MRPL20: variants seen among roughly 807,000 people sequenced by gnomAD.
MRPL20 encodes large ribosomal subunit protein bL20m.
Under a neutral mutation model 20.0 loss-of-function variants are expected in MRPL20, and 21 were observed. That is an observed-to-expected ratio of 1.05 (90% CI 0.74 to 1.51). MRPL20 has a LOEUF of 1.51. MRPL20 is among the 40% of genes most tolerant of loss of function. MRPL20 has a pLI of 0.00. For missense variants in MRPL20, 252 were observed against 185.6 expected, an observed-to-expected ratio of 1.36 and a Z score of -2.08; for synonymous variants, 104 against 73.0, an observed-to-expected ratio of 1.43 and a Z score of -2.17.
At chr1:1,403,982 G>A (rs141764574) in intron 3 of MRPL20, among the ~76,000 whole-genome samples, 10 of 144,762 alleles carry the variant, frequency 6.9e-5, no homozygotes, top group East Asian at 2.1e-4. Flanking sequence ...GCATACAGGC[G>A]CATGCCAGCA....
intron 3 of MRPL20, among the ~76,000 whole-genome samples, chr1:1,402,923 TC>T (rs1645346902): frequency 6.6e-6 from 1 of 151,778 alleles, no homozygotes; most frequent in South Asian, 2.1e-4. Flanking sequence ...GGTCAGGAGA[TC>T]AAGACCATCC....
rs778733971 is a variant in MRPL20 at position 1,407,239 on chromosome 1, C to G, written c.-22G>C. 2.4e-5 allele frequency: 37 copies of G among 1,573,922 alleles called. No homozygotes were observed. Among genetic ancestry groups the G allele is most frequent in the African/African-American group, 5.4e-5 (4 of 74,128 alleles). ...CCATGGCGCCTGCAGGCCGGCGTCC[C>G]GAACACTCAACAACGCACGCGCAGC... On this transcript the variant is annotated 5_prime_UTR_variant, in exon 1 of 4. Transcript: ENST00000344843.
At chr1:1,402,531 G>A (rs1396426357) in intron 3 of MRPL20, 1 of 1,191,298 alleles carries the variant, frequency 8.4e-7, no homozygotes, top group Admixed American at 4.2e-5. Flanking sequence ...CCTTGTTCAG[G>A]GTCCTTGGTC....
intron 2 of MRPL20, chr1:1,406,538 G>A (rs934979664): frequency 7.0e-6 from 2 of 286,384 alleles, no homozygotes; most frequent in African/African-American, 4.4e-5. Context: ...CACGGCAGCA[G>A]ATAGTAGCCC....
chr1:1,405,629 T>C, intron 3 of MRPL20, 180 bp downstream of exon 3: 1 of 1,109,138 alleles, frequency 9.0e-7, no homozygotes, highest in Non-Finnish European at 1.3e-6. Flanking sequence ...ACCATATTGA[T>C]ACCACACTTA....
intron 2 of MRPL20, chr1:1,406,680 C>T: frequency 1.8e-6 from 1 of 566,646 alleles, no homozygotes; most frequent in Non-Finnish European, 3.2e-6. Flanking sequence ...TCTGCAGTGG[C>T]CCGGGCGAGG....
chr1:1,402,904 G>A (rs912409156), intron 3 of MRPL20, among the ~76,000 whole-genome samples: 13 of 152,014 alleles, frequency 8.6e-5, no homozygotes, highest in African/African-American at 2.7e-4. Flanking sequence ...TGAGGCAGGC[G>A]GATCACCAGG....
intron 3 of MRPL20, among the ~76,000 whole-genome samples, chr1:1,404,664 C>G (rs1645366570): frequency 6.6e-6 from 1 of 150,858 alleles, no homozygotes; most frequent in Non-Finnish European, 1.5e-5. Context: ...CCATGCCCAG[C>G]TAATTTTTCG....
chr1:1,406,915 C>T lies in MRPL20; in HGVS notation c.192G>A (p.Met64Ile). 6.2e-7 allele frequency: 1 copy of T among 1,612,980 alleles called. No homozygotes were observed. Among genetic ancestry groups the T allele is most frequent in the Non-Finnish European group, 8.5e-7 (1 of 1,179,036 alleles). ...GTCCCGGGTCCACGCTTACGGTCCTCATGTTCTTTTTCTTCAGGTATCGGG... is the reference window on the plus strand; with the variant it reads ...GTCCCGGGTCCACGCTTACGGTCCTTATGTTCTTTTTCTTCAGGTATCGGG... ...TKARYLKKKN[M>I]RTLWINRITA... is the part of the protein sequence containing the mutation. The change falls in exon 2 of 4, where the codon ATG (methionine) becomes ATA (isoleucine). Residue 64 changes from methionine to isoleucine, a missense_variant. Met to Ile is a conservative substitution (Grantham distance 10). Coordinates refer to ENST00000344843, the MANE Select transcript of MRPL20 (RefSeq NM_017971.4).
chr1:1,402,447 G>C (rs1000693960), intron 3 of MRPL20, 191 bp from the exon 4 acceptor site: 4 of 1,362,624 alleles, frequency 2.9e-6, no homozygotes, highest in African/African-American at 1.5e-5. Context: ...ATGTGGACAC[G>C]GGTGAGGGAA....
intron 1 of MRPL20, 34 bp from the exon 2 acceptor site, chr1:1,407,053 C>A (rs576918752): frequency 1.9e-6 from 3 of 1,610,314 alleles, no homozygotes; most frequent in African/African-American, 2.7e-5. Flanking sequence ...GGGTTGTCAG[C>A]GGGGCCCGCG....
Position 1,402,136 on chromosome 1 carries a change from C to T in MRPL20, c.397G>A (p.Gly133Arg). The change falls in exon 4 of 4, where the codon GGG becomes AGG. Residue 133 changes from glycine (G) to arginine (R), a missense_variant. Coordinates refer to ENST00000344843, the MANE Select transcript of MRPL20 (RefSeq NM_017971.4). ...RRHEGFAAAL[G>R]DGKEPEGIFS... ...ATGCCTTCAGGTTCCTTCCCATCCC[C>T]CAAGGCAGCAGCAAATCCTTCGTGT... is the stretch of plus-strand genomic sequence containing the variant. 1 of 1,614,160 alleles carries T rather than the reference C, an allele frequency of 6.2e-7. No individual in the cohort carries two copies.
intron 3 of MRPL20, among the ~76,000 whole-genome samples, chr1:1,403,027 G>A (rs1430231455): frequency 1.3e-5 from 2 of 151,602 alleles, no homozygotes; most frequent in African/African-American, 4.9e-5. Flanking sequence ...TACTCAGGAG[G>A]CTGAGGCAGG....
Position 1,406,978 on chromosome 1 carries a change from G to C in MRPL20, c.129C>G (p.Val43=). The change falls in exon 2 of 4, where the codon GTC becomes GTG. Residue 43 remains valine, a synonymous_variant. Coordinates refer to ENST00000344843, the MANE Select transcript of MRPL20 (RefSeq NM_017971.4). Reference sequence around the variant, plus strand: ...TCACAAAGGCTCGAATCACGGTTCTGACCGCCAACCTGTAGCAGCGATTTT... The same window carrying C: ...TCACAAAGGCTCGAATCACGGTTCTCACCGCCAACCTGTAGCAGCGATTTT... ...GRKNRCYRLA[V]RTVIRAFVKC... The C allele has an allele frequency of 1.9e-6, 3 of 1,613,824 alleles. No homozygotes were observed. The highest frequency in any genetic ancestry group is 2.5e-6 in the Non-Finnish European group (3 of 1,179,752).
At chr1:1,406,849 G>T in intron 2 of MRPL20, 60 bp downstream of exon 2, 2 of 1,455,804 alleles carry the variant, frequency 1.4e-6, no homozygotes, top group Non-Finnish European at 1.9e-6. Context: ...CTGGGTCGCG[G>T]CGCAGAAACG....
chr1:1,405,363 T>G (rs976321030), intron 3 of MRPL20: 2 of 483,750 alleles, frequency 4.1e-6, no homozygotes, highest in African/African-American at 3.9e-5. Flanking sequence ...AGCTTCAAAC[T>G]CCTGGGGGCT....
intron 3 of MRPL20, among the ~76,000 whole-genome samples, chr1:1,404,618 A>G (rs1011813257): frequency 6.6e-6 from 1 of 150,376 alleles, no homozygotes; most frequent in Non-Finnish European, 1.5e-5. Context: ...CTCCAGCCTC[A>G]GCCTCCTGAG....
At chr1:1,402,559 G>C in intron 3 of MRPL20, 3 of 1,126,856 alleles carry the variant, frequency 2.7e-6, no homozygotes, top group Non-Finnish European at 3.3e-6. Flanking sequence ...TGACTGAGCT[G>C]ACTGCTGGCC....
intron 3 of MRPL20, among the ~76,000 whole-genome samples, chr1:1,403,768 G>T (rs940651173): frequency 1.3e-5 from 2 of 152,056 alleles, no homozygotes; most frequent in Admixed American, 1.3e-4. Context: ...CCATCCGTTC[G>T]CTCCAAAACA....
Sources: allele counts gnomAD v4.1 joint callset (sites outside exome capture counted in the v4.1 genomes callset), GRCh38; gene constraint gnomAD v4.1.1; transcripts MANE v1.5; gene names NCBI Gene and HGNC (gene_info 2026-07-23, HGNC 2026-07-21).